The following RHOT2 variants were observed in gnomAD, a reference collection of about 807,000 sequenced individuals.
RHOT2 encodes ras homolog family member T2.
RHOT2 carries 90 observed loss-of-function variants against 81.6 expected under a neutral mutation model. The ratio of observed to expected loss-of-function variants is 1.10; its 90% confidence interval spans 0.93 to 1.31. The LOEUF is 1.31. RHOT2 is among the 40% of genes most tolerant of loss of function. The probability of loss-of-function intolerance (pLI) is 0.00; values close to 1 mark genes in which losing one functional copy is unlikely to be tolerated. For synonymous variants in RHOT2, 512 were observed against 370.9 expected (o/e 1.38, Z -4.37); for missense variants, 1,014 against 841.9 (o/e 1.20, Z -2.53).
At chr16:669,982 G>A in intron 5 of RHOT2, 141 bp from the exon 6 acceptor site, 1 of 738,790 alleles carries the variant, frequency 1.4e-6, no homozygotes, top group South Asian at 1.9e-5. Flanking sequence ...TCTCCCACCA[G>A]CTTTGTTCCT....
rs768668596 is a variant in RHOT2 at position 674,067 on chromosome 16, G to A, written c.*461G>A. ...CCCCCTCAAGTTTGGAGCCGTTTCCGTGGTTGTAGCAGAGGACCGGAGGTT... is the reference window on the plus strand; with the variant it reads ...CCCCCTCAAGTTTGGAGCCGTTTCCATGGTTGTAGCAGAGGACCGGAGGTT... On this transcript the variant is annotated 3_prime_UTR_variant, in exon 19 of 19. Transcript: ENST00000315082. The A allele has an allele frequency of 7.7e-5, 19 of 245,572 alleles. No homozygotes were observed. The highest frequency in any genetic ancestry group is 4.5e-4 in the Middle Eastern group (1 of 2,244). The allele number at this position is 245,572 out of a possible 1,614,324, so 15.2% of individuals were successfully genotyped here.
Position 672,943 on chromosome 16 carries a change from GGGCA to G in RHOT2, c.1545_1548del (p.Gln516ProfsTer99), listed in dbSNP as rs754214075. 1 of 1,612,784 alleles carries G rather than the reference GGGCA, an allele frequency of 6.2e-7. No homozygotes were observed. On this transcript the variant is annotated frameshift_variant, in exon 18 of 19. Transcript: ENST00000315082. LOFTEE classifies it high-confidence loss of function. Reference sequence around the variant, plus strand: ...CTGCCCACAGCACCATTACATGGACGGGCAGACCCCCTGCCTCTTTGTCTCCTCC... The same window carrying G: ...CTGCCCACAGCACCATTACATGGACGGACCCCCTGCCTCTTTGTCTCCTCC...
chr16:672,038 C>T (rs1357856996), intron 13 of RHOT2, 36 bp downstream of exon 13: 3 of 1,612,056 alleles, frequency 1.9e-6, no homozygotes, highest in Non-Finnish European at 2.5e-6. Context: ...CCTGCCGCAC[C>T]ACCCTCCCCA....
chr16:669,295 A>G, intron 4 of RHOT2: 1 of 568,408 alleles, frequency 1.8e-6, no homozygotes, highest in South Asian at 2.0e-5. Context: ...GTGTCCCTGC[A>G]CTGGCAGTGG....
At position 672,187 on chromosome 16, in the gene RHOT2, C is replaced by G. The variant is rs369994435; in HGVS notation, c.1195+6C>G. 80 of 1,612,528 alleles carry G rather than the reference C, an allele frequency of 5.0e-5. No individual in the cohort carries two copies. Among genetic ancestry groups the G allele is most frequent in the Non-Finnish European group, 5.4e-5 (64 of 1,179,884 alleles). ...CCAGGCCCATGCCATCACAGGTAGG[C>G]ACCCACCCTCCCTGGGCCTGGGCCC... On this transcript the variant is annotated splice_donor_region_variant and intron_variant, in intron 14 of 18. Coordinates refer to ENST00000315082, the MANE Select transcript of RHOT2 (RefSeq NM_138769.3).
rs749516451 is a variant in RHOT2, at chr16:672,763, G to A, written c.1465G>A (p.Ala489Thr). 10 of 1,612,550 alleles carry A rather than the reference G, an allele frequency of 6.2e-6. No individual in the cohort carries two copies. The South Asian group carries it at 8.8e-5, about 14-fold the overall frequency. Residue 489 changes from alanine to threonine, a missense_variant, in exon 17 of 19, where the codon GCC becomes ACC. Physicochemically the swap from Ala to Thr is moderately conservative, Grantham distance 58 (BLOSUM62 0). Coordinates refer to ENST00000315082, the MANE Select transcript of RHOT2 (RefSeq NM_138769.3). ...ATCGCTGGACGCCACCTGTGACGTT[G>A]CCTGCTTGATGTTTGATGGCAGTGA... ...ATSLDATCDV[A>T]CLMFDGSDPK...
intron 4 of RHOT2, 97 bp downstream of exon 4, chr16:668,796 C>A: frequency 7.5e-7 from 1 of 1,326,498 alleles, no homozygotes; most frequent in Non-Finnish European, 1.0e-6. Flanking sequence ...TCCGGGTGTC[C>A]TTGGCCCTGA....
At chr16:668,823 GCACTGAGGGT>G in intron 4 of RHOT2, 124 bp downstream of exon 4, 2 of 1,071,628 alleles carry the variant, frequency 1.9e-6, no homozygotes, top group Non-Finnish European at 2.6e-6. Flanking sequence ...TGTGACCTCC[GCACTGAGGGT>G]TGTCGGGGCC....
intron 4 of RHOT2, 63 bp from the exon 5 acceptor site, chr16:669,490 G>C (rs555842570): frequency 6.4e-7 from 1 of 1,551,836 alleles, no homozygotes; most frequent in Non-Finnish European, 8.8e-7. Flanking sequence ...GGCGTGGAAC[G>C]GCCAGGGTCG....
At position 673,549 on chromosome 16, in the gene RHOT2, C is replaced by T. The variant is rs147252142; in HGVS notation, c.1800C>T (p.Ala600=). The change falls in exon 19 of 19, where the codon GCC becomes GCT. Residue 600 remains alanine, a synonymous_variant. Coordinates refer to ENST00000315082, the MANE Select transcript of RHOT2 (RefSeq NM_138769.3). ...GGGGGCTGCTGGGGGTTGTCGGGGC[C>T]GCCGTGGCCGCAGTCCTCAGCTTCT... The part of the protein sequence containing the change: ...WLRGLLGVVG[A]AVAAVLSFSL... 4.4e-5 allele frequency: 71 copies of T among 1,612,146 alleles called. No individual in the cohort carries two copies. Among genetic ancestry groups the T allele is most frequent in the Middle Eastern group, 1.7e-4 (1 of 5,928 alleles).
At position 672,564 on chromosome 16, in the gene RHOT2, A is replaced by G. The variant is rs762867246; in HGVS notation, c.1402A>G (p.Ile468Val). The change falls in exon 16 of 19, where the codon ATC (isoleucine) becomes GTC (valine). Residue 468 changes from isoleucine (I) to valine (V), a missense_variant and splice_region_variant. Transcript: ENST00000315082. Reference sequence around the variant, plus strand: ...GGTCAATGGACAGGAGAAGTACTTGATCGTGAGTGCTGGGGCGGCGCGGCC... The same window carrying G: ...GGTCAATGGACAGGAGAAGTACTTGGTCGTGAGTGCTGGGGCGGCGCGGCC... ...VQVNGQEKYL[I>V]LCEVGTDGLL... The G allele has an allele frequency of 2.5e-6, 4 of 1,612,406 alleles. No homozygotes were observed. The highest frequency in any genetic ancestry group is 1.1e-5 in the South Asian group (1 of 91,074).
chr16:671,443 C>T (rs904466208), intron 11 of RHOT2: 17 of 704,996 alleles, frequency 2.4e-5, no homozygotes, highest in African/African-American at 2.0e-4. Flanking sequence ...CAACCCCGCT[C>T]GCGTGGCTTG....
Position 668,480 on chromosome 16 carries a change from C to T in RHOT2, c.97-8C>T. Reference sequence around the variant, plus strand: ...GGGGTCCCTGGTGAGCGCGCGGGTCCCTTGCAGGTCCCTCCCCGCGCGGAG... The same window carrying T: ...GGGGTCCCTGGTGAGCGCGCGGGTCTCTTGCAGGTCCCTCCCCGCGCGGAG... On this transcript the variant is annotated splice_region_variant and splice_polypyrimidine_tract_variant and intron_variant, in intron 2 of 18. Coordinates refer to ENST00000315082, the MANE Select transcript of RHOT2 (RefSeq NM_138769.3). The T allele has an allele frequency of 6.2e-7, 1 of 1,600,360 alleles. No homozygotes were observed. Among genetic ancestry groups the T allele is most frequent in the Non-Finnish European group, 8.5e-7 (1 of 1,174,660 alleles).
intron 4 of RHOT2, 179 bp downstream of exon 4, chr16:668,878 C>G (rs557393117): frequency 1.6e-6 from 1 of 614,698 alleles, no homozygotes; most frequent in African/African-American, 1.9e-5. Flanking sequence ...CGGCACCGCT[C>G]AGTCCAGTGG....
Position 669,028 on chromosome 16 carries a change from G to A in RHOT2, c.222+329G>A, listed in dbSNP as rs2038430058. On this transcript the variant is annotated intron_variant, in intron 4 of 18. Coordinates refer to ENST00000315082, the MANE Select transcript of RHOT2 (RefSeq NM_138769.3). Reference sequence around the variant, plus strand: ...CTCCAGCCCACCGTCCCGGCCTCCGGGCACCCGGAGCTCCCAGTACCAGAG... The same window carrying A: ...CTCCAGCCCACCGTCCCGGCCTCCGAGCACCCGGAGCTCCCAGTACCAGAG... The A allele has an allele frequency of 2.0e-5, 9 of 443,124 alleles. No individual in the cohort carries two copies. In the South Asian group the frequency reaches 2.7e-4, roughly 13 times the overall value. 27.4% of individuals were successfully genotyped at this position (443,124 alleles called of 1,614,324 possible). A position where few individuals can be genotyped will look rare whatever the true frequency, so the allele number is the denominator to read the frequency against.
In RHOT2 at chr16:672,816, C is replaced by T. The variant is rs764692111; in HGVS notation, c.1518C>T (p.Ser506=). The change falls in exon 17 of 19, where the codon AGC becomes AGT. Residue 506 remains serine, a synonymous_variant. Transcript: ENST00000315082. The part of the protein sequence containing the change: ...SDPKSFAHCA[S]VYKHHYMDGQ... Reference sequence around the variant, plus strand: ...CAAAGTCCTTTGCACATTGTGCCAGCGTCTACAAGGTGGGGCCCTGCAGGG... The same window carrying T: ...CAAAGTCCTTTGCACATTGTGCCAGTGTCTACAAGGTGGGGCCCTGCAGGG... The T allele has an allele frequency of 9.3e-6, 15 of 1,612,488 alleles. No individual in the cohort carries two copies. Among genetic ancestry groups the T allele is most frequent in the East Asian group, 8.9e-5 (4 of 44,882 alleles).
In RHOT2 at chr16:673,685, G is replaced by T. The variant is rs2039333388; in HGVS notation, c.*79G>T. On this transcript the variant is annotated 3_prime_UTR_variant, in exon 19 of 19. Coordinates refer to ENST00000315082, the MANE Select transcript of RHOT2 (RefSeq NM_138769.3). The stretch of plus-strand genomic sequence containing the variant: ...GCTCTGCAGGGGCAGCACAGCTGGG[G>T]TGCAGGCCAGGCTGCCACTCCGGGA... The T allele has an allele frequency of 1.3e-6, 2 of 1,524,010 alleles. No individual in the cohort carries two copies. Among genetic ancestry groups the T allele is most frequent in the Non-Finnish European group, 1.8e-6 (2 of 1,134,144 alleles). The allele number at this position is 1,524,010 out of a possible 1,614,324, so 94.4% of individuals were successfully genotyped here.
In RHOT2 at chr16:670,105, C is replaced by G. The variant is rs1165393067; in HGVS notation, c.277-18C>G. ...GCCCGCGGGCAGCCTCACTTCACAG[C>G]CAGGCTTTGCTTTTCAGATTCGAAC... On this transcript the variant is annotated intron_variant, in intron 5 of 18. Transcript: ENST00000315082. 2 of 1,550,152 alleles carry G rather than the reference C, an allele frequency of 1.3e-6. No individual in the cohort carries two copies. The highest frequency in any genetic ancestry group is 2.8e-5 in the African/African-American group (2 of 72,340).
chr16:668,782 G>T, intron 4 of RHOT2, 83 bp downstream of exon 4: 2 of 1,396,568 alleles, frequency 1.4e-6, no homozygotes. Flanking sequence ...TTGGACCGAG[G>T]TGCTCCGGGT....
Sources: allele counts gnomAD v4.1 joint callset, GRCh38; gene constraint gnomAD v4.1.1; transcripts MANE v1.5; gene names NCBI Gene and HGNC (gene_info 2026-07-23, HGNC 2026-07-21).